Variants in AKAP6 observed in about 807,000 individuals in gnomAD.
AKAP6 encodes A-kinase anchoring protein 6, also known as A-kinase anchor protein 6.
In AKAP6, 58 loss-of-function variants were observed where a neutral mutation model predicts 188.5. The ratio of observed to expected loss-of-function variants is 0.31; its 90% CI spans 0.25 to 0.38. AKAP6 has a LOEUF of 0.38. Ranked by LOEUF, AKAP6 falls within the 10% of genes least tolerant of loss-of-function variation. AKAP6 has a pLI of 1.00. For missense variants in AKAP6, 2,710 were observed against 2,740.0 expected, an observed-to-expected ratio of 0.99 and a Z score of 0.24; for synonymous variants, 989 against 998.6, an observed-to-expected ratio of 0.99 and a Z score of 0.18.
At chr14:32,666,393 C>T (rs1426171305) in intron 7 of AKAP6, among the ~76,000 whole-genome samples, 1 of 151,908 alleles carries the variant, frequency 6.6e-6, no homozygotes, top group African/African-American at 2.4e-5. Flanking sequence ...TTTTTATTTT[C>T]AAGTAAATTT....
At chr14:32,621,382 TA>T (rs1886810489) in intron 7 of AKAP6, among the ~76,000 whole-genome samples, 1 of 152,126 alleles carries the variant, frequency 6.6e-6, no homozygotes, top group Non-Finnish European at 1.5e-5. Context: ...GTGTTACTGT[TA>T]TCATTCATTT....
chr14:32,770,225 G>T (rs938452995), intron 11 of AKAP6, among the ~76,000 whole-genome samples: 1 of 152,128 alleles, frequency 6.6e-6, no homozygotes, highest in Middle Eastern at 3.2e-3. Flanking sequence ...TTATAATGTG[G>T]ATCGGAGATC....
At chr14:32,542,308 G>GTCATTCAT (rs767873167) in intron 3 of AKAP6, among the ~76,000 whole-genome samples, 1 of 152,078 alleles carries the variant, frequency 6.6e-6, no homozygotes, top group Non-Finnish European at 1.5e-5. Context: ...CTAAAATGTT[G>GTCATTCAT]TCATTCATTC....
At chr14:32,405,711 ATGAGATC>A (rs1376771045) in intron 1 of AKAP6, among the ~76,000 whole-genome samples, 1 of 131,612 alleles carries the variant, frequency 7.6e-6, no homozygotes, top group Non-Finnish European at 1.7e-5. Context: ...GTGAGTTCTC[ATGAGATC>A]TGATGGTTTT....
At chr14:32,401,618 T>C (rs1889093894) in intron 1 of AKAP6, among the ~76,000 whole-genome samples, 1 of 152,202 alleles carries the variant, frequency 6.6e-6, no homozygotes, top group Admixed American at 6.5e-5. Flanking sequence ...GTTGAATGCA[T>C]GATGACAGCT....
At chr14:32,601,488 G>A (rs1885926450) in intron 7 of AKAP6, among the ~76,000 whole-genome samples, 2 of 152,090 alleles carry the variant, frequency 1.3e-5, no homozygotes, top group South Asian at 2.1e-4. Flanking sequence ...ATACAGACTG[G>A]CACTGTTCTA....
At chr14:32,724,990 TAA>T (rs71432079) in intron 9 of AKAP6, among the ~76,000 whole-genome samples, 99 of 34,908 alleles carry the variant, frequency 2.8e-3, no homozygotes, top group Middle Eastern at 0.077. Flanking sequence ...ATATTCAACC[TAA>T]AAAAAAAAAA....
chr14:32,807,589 A>G (rs1482357122), intron 12 of AKAP6, among the ~76,000 whole-genome samples: 2 of 152,146 alleles, frequency 1.3e-5, no homozygotes, highest in Non-Finnish European at 2.9e-5. Context: ...ACCAATTTTC[A>G]TGAGACTCTG....
At chr14:32,762,623 G>C (rs1193624784) in intron 11 of AKAP6, among the ~76,000 whole-genome samples, 1 of 151,836 alleles carries the variant, frequency 6.6e-6, no homozygotes, top group Non-Finnish European at 1.5e-5. Context: ...AAAGCCAAGA[G>C]GAATAGAAAT....
intron 1 of AKAP6, among the ~76,000 whole-genome samples, chr14:32,340,179 T>C (rs1739789133): frequency 6.6e-6 from 1 of 151,842 alleles, no homozygotes; most frequent in Non-Finnish European, 1.5e-5. Flanking sequence ...GTTTTTATTT[T>C]ATGATAATAA....
chr14:32,797,468 T>C (rs868319076), intron 12 of AKAP6, among the ~76,000 whole-genome samples: 4 of 152,186 alleles, frequency 2.6e-5, no homozygotes, highest in Non-Finnish European at 5.9e-5. Context: ...TGCAGGGATA[T>C]GGATGGAGTT....
chr14:32,806,734 G>C (rs2034098417), intron 12 of AKAP6, among the ~76,000 whole-genome samples: 1 of 152,142 alleles, frequency 6.6e-6, no homozygotes, highest in South Asian at 2.1e-4. Flanking sequence ...GAATGCAAGT[G>C]CTAAATTATG....
At chr14:32,462,916 A>AAAC (rs1555330710) in intron 2 of AKAP6, among the ~76,000 whole-genome samples, 7,705 of 93,690 alleles carry the variant, frequency 0.082, 612 homozygotes, top group East Asian at 0.18. Context: ...AAAAAAAAAA[A>AAAC]AAAAAAAAAA....
chr14:32,585,576 A>C (rs117781776), intron 5 of AKAP6, among the ~76,000 whole-genome samples: 69 of 152,172 alleles, frequency 4.5e-4, no homozygotes, highest in Non-Finnish European at 5.4e-4. Context: ...ATGATGAATG[A>C]GCTTGGTTTC....
At chr14:32,730,116 A>G (rs970483976) in intron 9 of AKAP6, among the ~76,000 whole-genome samples, 1 of 152,190 alleles carries the variant, frequency 6.6e-6, no homozygotes, top group Non-Finnish European at 1.5e-5. Context: ...GCCCCTAAAC[A>G]TATTAGATTT....
intron 8 of AKAP6, among the ~76,000 whole-genome samples, chr14:32,681,402 C>T (rs1263701479): frequency 2.0e-5 from 3 of 152,116 alleles, no homozygotes; most frequent in Non-Finnish European, 4.4e-5. Context: ...GCTAAGACCT[C>T]GACTCAGCAC....
chr14:32,623,794 G>A (rs570814194), intron 7 of AKAP6, among the ~76,000 whole-genome samples: 1 of 152,240 alleles, frequency 6.6e-6, no homozygotes, highest in Non-Finnish European at 1.5e-5. Flanking sequence ...CGTATTCCTT[G>A]TCCTAATAAT....
In AKAP6 at chr14:32,616,141, T is replaced by C. The variant is rs114712831; in HGVS notation, c.2730+15349T>C. On this transcript the variant is annotated intron_variant, in intron 7 of 13. Coordinates refer to ENST00000280979, the MANE Select transcript of AKAP6 (RefSeq NM_004274.5). The stretch of plus-strand genomic sequence containing the variant: ...GATTGCAGATAAAAAGGAATACTTA[T>C]ACAGTGTTGGTGGGAGTGTAAATTA... 3.4e-3 allele frequency among the ~76,000 whole-genome samples: 519 copies of C among 152,330 alleles called. 4 individuals are homozygous for C. Among genetic ancestry groups the C allele is most frequent in the African/African-American group, 0.011 (474 of 41,572 alleles).
At chr14:32,791,260 C>T (rs2033600587) in intron 12 of AKAP6, among the ~76,000 whole-genome samples, 1 of 152,138 alleles carries the variant, frequency 6.6e-6, no homozygotes, top group African/African-American at 2.4e-5. Context: ...CCTATTTCTC[C>T]AGAGCCTCTC....
Sources: gnomAD v4.1 joint callset for allele counts (sites outside exome capture counted in the v4.1 genomes callset) on GRCh38, gnomAD v4.1.1 for gene constraint, MANE v1.5 for transcripts, NCBI Gene and HGNC (gene_info 2026-07-23, HGNC 2026-07-21) for gene names.